Variants in ZBTB41 observed in about 807,000 individuals in gnomAD.
The protein encoded by ZBTB41 is zinc finger and BTB domain containing 41, also known as zinc finger and BTB domain-containing protein 41.
A neutral mutation model predicts 87.6 loss-of-function variants in ZBTB41; 42 were observed. That is an observed-to-expected ratio of 0.48 (90% CI 0.37 to 0.62). The LOEUF is 0.62. Ranked by LOEUF, ZBTB41 falls within the 20% of genes least tolerant of loss-of-function variation. The probability of loss-of-function intolerance (pLI) is 0.00; values close to 1 mark genes in which losing one functional copy is unlikely to be tolerated. For synonymous variants in ZBTB41, 364 were observed against 364.0 expected (o/e 1.00, Z 0.00); for missense variants, 799 against 1,078.9 (o/e 0.74, Z 3.63).
intron 6 of ZBTB41, among the ~76,000 whole-genome samples, 174 bp downstream of exon 6, chr1:197,180,814 A>G (rs1022943362): frequency 6.6e-6 from 1 of 152,144 alleles, no homozygotes; most frequent in Non-Finnish European, 1.5e-5. Flanking sequence ...CAAATCTTGA[A>G]TCCATGTCAT....
intron 9 of ZBTB41, among the ~76,000 whole-genome samples, chr1:197,174,217 C>T (rs576512954): frequency 7.9e-5 from 12 of 152,096 alleles, no homozygotes; most frequent in Non-Finnish European, 1.2e-4. Context: ...TGAACTGAAG[C>T]AGAGATGTCA....
At chr1:197,176,740 A>C (rs1285936545) in intron 7 of ZBTB41, 70 bp from the exon 8 acceptor site, 7 of 1,074,920 alleles carry the variant, frequency 6.5e-6, no homozygotes, top group African/African-American at 3.1e-5. Flanking sequence ...ATAATGAATA[A>C]ATGATGAATA....
intron 9 of ZBTB41, 47 bp from the exon 10 acceptor site, chr1:197,172,295 TATA>T (rs1659501533): frequency 5.0e-6 from 3 of 598,878 alleles, no homozygotes; most frequent in African/African-American, 2.0e-5. Context: ...TTTTAATAAC[TATA>T]ATAAATATGA....
At chr1:197,186,537 C>G (rs1343164825) in intron 5 of ZBTB41, among the ~76,000 whole-genome samples, 1 of 152,108 alleles carries the variant, frequency 6.6e-6, no homozygotes, top group Non-Finnish European at 1.5e-5. Context: ...AAAGAACTCT[C>G]AAAACTCAAC....
chr1:197,176,726 C>A (rs1223854033), intron 7 of ZBTB41, 56 bp from the exon 8 acceptor site: 3 of 1,219,776 alleles, frequency 2.5e-6, no homozygotes, highest in Non-Finnish European at 3.6e-6. Flanking sequence ...AAGGAAAAAG[C>A]TCAATAATGA....
chr1:197,169,595 T>C (rs925498091), intron 10 of ZBTB41, among the ~76,000 whole-genome samples: 3 of 152,034 alleles, frequency 2.0e-5, no homozygotes, highest in African/African-American at 7.2e-5. Context: ...CCTTCTGAAA[T>C]CTTGGTAGTG....
chr1:197,193,296 G>A (rs1660078900), intron 2 of ZBTB41, among the ~76,000 whole-genome samples: 1 of 151,984 alleles, frequency 6.6e-6, no homozygotes, highest in Non-Finnish European at 1.5e-5. Flanking sequence ...TCAGCACTTT[G>A]GGAGGCCAAG....
At chr1:197,184,508 T>C (rs1350742134) in intron 5 of ZBTB41, among the ~76,000 whole-genome samples, 1 of 152,218 alleles carries the variant, frequency 6.6e-6, no homozygotes, top group Non-Finnish European at 1.5e-5. Flanking sequence ...CTAAAATATA[T>C]ATTTGTCAAT....
intron 8 of ZBTB41, chr1:197,176,058 T>C (rs969738612): frequency 6.6e-6 from 1 of 152,438 alleles, no homozygotes; most frequent in African/African-American, 2.4e-5. Context: ...ATAAAAATTA[T>C]ACAGTATAAA....
Position 197,200,517 on chromosome 1 carries a change from A to C in ZBTB41, c.-44T>G, listed in dbSNP as rs527849257. Reference sequence around the variant, plus strand: ...GAACAAGAAACTTCATAAGTGTCTTAAGTGATTTATAAAGGAAAACTAGAT... The same window carrying C: ...GAACAAGAAACTTCATAAGTGTCTTCAGTGATTTATAAAGGAAAACTAGAT... On this transcript the variant is annotated 5_prime_UTR_variant, in exon 2 of 11. Coordinates refer to ENST00000367405, the MANE Select transcript of ZBTB41 (RefSeq NM_194314.3). 6.6e-7 allele frequency: 1 copy of C among 1,509,130 alleles called. No individual in the cohort carries two copies. The highest frequency in any genetic ancestry group is 2.3e-5 in the Admixed American group (1 of 43,600). The allele number at this position is 1,509,130 out of a possible 1,614,324, so 93.5% of individuals were successfully genotyped here.
chr1:197,187,185 C>A (rs1169835804), intron 5 of ZBTB41, among the ~76,000 whole-genome samples: 2 of 152,074 alleles, frequency 1.3e-5, no homozygotes, highest in East Asian at 1.9e-4. Flanking sequence ...CTGATCCAGC[C>A]CCTGTTTTCC....
Position 197,159,649 on chromosome 1 carries a change from G to A in ZBTB41, c.2440C>T (p.Pro814Ser). 1 of 1,613,986 alleles carries A rather than the reference G, an allele frequency of 6.2e-7. No homozygotes were observed. Among genetic ancestry groups the A allele is most frequent in the Non-Finnish European group, 8.5e-7 (1 of 1,179,924 alleles). ...AEVCVPVTLV[P>S]VQMPDTPSDL... ...CTCGGAGTGTCAGGCATCTGAACTG[G>A]AACCAGAGTTACTGGAACACATACT... The change falls in exon 11 of 11, where the codon CCA becomes TCA. Residue 814 changes from proline (P) to serine (S), a missense_variant. Physicochemically the swap from Pro to Ser is moderately conservative, Grantham distance 74. Transcript: ENST00000367405.
rs1352960984 is a variant in ZBTB41, at chr1:197,175,225, G to C, written c.1880-110C>G. 4.7e-6 allele frequency: 4 copies of C among 853,464 alleles called. No individual in the cohort carries two copies. The African/African-American group carries it at 5.3e-5, about 11-fold the overall frequency. The allele number at this position is 853,464 out of a possible 1,614,324, so 52.9% of individuals were successfully genotyped here. On this transcript the variant is annotated intron_variant, in intron 8 of 10. Coordinates refer to ENST00000367405, the MANE Select transcript of ZBTB41 (RefSeq NM_194314.3). Reference sequence around the variant, plus strand: ...ACATGATGTCAAATATAACAGGAAAGTAAAGCCACATTTTATTCTGCACTA... The same window carrying C: ...ACATGATGTCAAATATAACAGGAAACTAAAGCCACATTTTATTCTGCACTA...
At chr1:197,190,954 T>C (rs1660010930) in intron 3 of ZBTB41, 123 bp from the exon 4 acceptor site, 1 of 578,756 alleles carries the variant, frequency 1.7e-6, no homozygotes, top group Non-Finnish European at 3.0e-6. Flanking sequence ...ATGAGACAAG[T>C]AGGCATAGAT....
chr1:197,160,004 T>C lies in ZBTB41; in HGVS notation c.2085A>G (p.Pro695=). 1.2e-6 allele frequency: 2 copies of C among 1,611,548 alleles called. No individual in the cohort carries two copies. The highest frequency in any genetic ancestry group is 1.1e-5 in the South Asian group (1 of 90,952). Reference sequence around the variant, plus strand: ...ACTGATTGCAAATTTGACACTTGTATGGTTTTTCACCTATATGAATGAACA... The same window carrying C: ...ACTGATTGCAAATTTGACACTTGTACGGTTTTTCACCTATATGAATGAACA... The part of the protein sequence containing the change: ...MHFRTHSGEK[P]YKCQICNQSF... Residue 695 remains proline, a synonymous_variant, in exon 11 of 11, where the codon CCA becomes CCG. Coordinates refer to ENST00000367405, the MANE Select transcript of ZBTB41 (RefSeq NM_194314.3).
intron 6 of ZBTB41, 27 bp from the exon 7 acceptor site, chr1:197,178,539 T>A (rs764423185): frequency 3.9e-6 from 6 of 1,521,460 alleles, no homozygotes; most frequent in African/African-American, 1.4e-5. Context: ...AGATTCGAGA[T>A]TTTTTAAATG....
At chr1:197,193,420 C>T (rs748886752) in intron 2 of ZBTB41, among the ~76,000 whole-genome samples, 2 of 151,804 alleles carry the variant, frequency 1.3e-5, no homozygotes, top group Non-Finnish European at 2.9e-5. Context: ...AAACCCAGCA[C>T]ATAGTAAGCA....
At chr1:197,181,232 C>G in intron 5 of ZBTB41, 115 bp from the exon 6 acceptor site, 3 of 876,356 alleles carry the variant, frequency 3.4e-6, no homozygotes, top group Non-Finnish European at 4.9e-6. Flanking sequence ...TGTCATAATA[C>G]ACTGCAATTT....
Position 197,159,474 on chromosome 1 carries a change from G to C in ZBTB41, c.2615C>G (p.Pro872Arg). ...ATCTAGCATTTGTTCAGGTCGAACT[G>C]GGTGAACTATATTTGCAGGTTGAGG... is the stretch of plus-strand genomic sequence containing the variant. ...LTPQPANIVH[P>R]VRPEQMLDPR... Residue 872 changes from proline (P) to arginine (R), a missense_variant, in exon 11 of 11, where the codon CCA becomes CGA. Pro to Arg is a moderately radical substitution (Grantham distance 103, BLOSUM62 -2). Around this residue, in one of 5 missense-constraint regions of ZBTB41, gnomAD observed 171 missense variants for 191.9 expected, o/e 0.89. Coordinates refer to ENST00000367405, the MANE Select transcript of ZBTB41 (RefSeq NM_194314.3). The C allele has an allele frequency of 6.2e-7, 1 of 1,613,910 alleles. No individual in the cohort carries two copies. The highest frequency in any genetic ancestry group is 1.1e-5 in the South Asian group (1 of 91,074).
Sources: allele counts gnomAD v4.1 joint callset (sites outside exome capture counted in the v4.1 genomes callset), GRCh38; gene constraint gnomAD v4.1.1; regional missense constraint gnomAD v4.1.1; transcripts MANE v1.5; gene names NCBI Gene and HGNC (gene_info 2026-07-23, HGNC 2026-07-21).